PPARGC1A: variants seen among roughly 807,000 people sequenced by gnomAD.
PPARGC1A encodes the protein peroxisome proliferator-activated receptor gamma coactivator 1-alpha.
A neutral mutation model predicts 88.7 loss-of-function variants in PPARGC1A; 25 were observed. The observed-to-expected ratio is 0.28, with a 90% confidence interval of 0.21 to 0.39. PPARGC1A has a LOEUF of 0.39. Among genes scored for constraint, PPARGC1A ranks in the 10% least tolerant of loss-of-function variants. PPARGC1A has a pLI of 1.00. For missense variants in PPARGC1A, 880 were observed against 968.7 expected, an observed-to-expected ratio of 0.91 and a Z score of 1.22; for synonymous variants, 363 against 355.6, an observed-to-expected ratio of 1.02 and a Z score of -0.24.
the PPARGC1A span, among the ~76,000 whole-genome samples, chr4:24,275,362 A>C: frequency 6.6e-6 from 1 of 152,242 alleles, no homozygotes; most frequent in East Asian, 1.9e-4. Flanking sequence ...CTGAAAACCT[A>C]AATAACATTA....
the PPARGC1A span, among the ~76,000 whole-genome samples, chr4:24,050,727 CT>C: frequency 6.6e-6 from 1 of 152,156 alleles, no homozygotes. Flanking sequence ...TGTGGTTGTT[CT>C]TCAGTACTGT....
the PPARGC1A span, among the ~76,000 whole-genome samples, chr4:23,931,473 T>G: frequency 4.9e-4 from 75 of 152,212 alleles, 1 homozygote; most frequent in Admixed American, 2.4e-3. Context: ...ATTTTTAATT[T>G]AAAAAGTTAA....
the PPARGC1A span, among the ~76,000 whole-genome samples, chr4:24,243,537 C>G: frequency 1.3e-5 from 2 of 152,170 alleles, no homozygotes; most frequent in South Asian, 4.1e-4. Context: ...GAAAAGAGAC[C>G]TGCAGAAATG....
At chr4:24,154,326 G>A in the PPARGC1A span, among the ~76,000 whole-genome samples, 1 of 152,170 alleles carries the variant, frequency 6.6e-6, no homozygotes, top group Non-Finnish European at 1.5e-5. Flanking sequence ...ATTCCCCACA[G>A]GATCTGGACA....
At chr4:24,175,374 C>CT in the PPARGC1A span, among the ~76,000 whole-genome samples, 1 of 127,324 alleles carries the variant, frequency 7.9e-6, no homozygotes. Flanking sequence ...CTCTTTGTTT[C>CT]GTTTTTTTTT....
At chr4:24,139,114 T>C in the PPARGC1A span, among the ~76,000 whole-genome samples, 1 of 152,086 alleles carries the variant, frequency 6.6e-6, no homozygotes, top group Non-Finnish European at 1.5e-5. Flanking sequence ...AGTTACTAAG[T>C]TGCTTTTCTC....
At chr4:24,437,907 C>T in the PPARGC1A span, among the ~76,000 whole-genome samples, 1 of 152,046 alleles carries the variant, frequency 6.6e-6, no homozygotes, top group Non-Finnish European at 1.5e-5. Flanking sequence ...GAACTCCTGA[C>T]CACAGGTGAT....
chr4:24,142,628 C>G, the PPARGC1A span, among the ~76,000 whole-genome samples: 1 of 151,546 alleles, frequency 6.6e-6, no homozygotes, highest in African/African-American at 2.4e-5. Flanking sequence ...GAGCAGAGAT[C>G]ACACCACTGC....
chr4:24,140,259 T>G, the PPARGC1A span, among the ~76,000 whole-genome samples: 1 of 152,052 alleles, frequency 6.6e-6, no homozygotes, highest in Non-Finnish European at 1.5e-5. Flanking sequence ...CATCTTCGAA[T>G]GCAAAAAACA....
chr4:24,091,737 A>T, the PPARGC1A span: 1 of 693,080 alleles, frequency 1.4e-6, no homozygotes, highest in East Asian at 1.3e-4. Flanking sequence ...ACAGATGCCA[A>T]CTGGCCAAGC....
the PPARGC1A span, among the ~76,000 whole-genome samples, chr4:24,401,015 C>T: frequency 2.7e-3 from 268 of 99,664 alleles, no homozygotes; most frequent in East Asian, 3.6e-3. Flanking sequence ...CCTGAATTTT[C>T]TTTTTTTTTT....
At chr4:24,339,221 T>TACAC in the PPARGC1A span, among the ~76,000 whole-genome samples, 95 of 55,258 alleles carry the variant, frequency 1.7e-3, no homozygotes, top group Middle Eastern at 0.028. Flanking sequence ...TGTATATATA[T>TACAC]ATATATATAT....
chr4:23,962,977 G>C, the PPARGC1A span, among the ~76,000 whole-genome samples: 1 of 152,088 alleles, frequency 6.6e-6, no homozygotes, highest in Non-Finnish European at 1.5e-5. Flanking sequence ...CATGAGCGGG[G>C]GAAAGTGTTT....
At chr4:23,944,113 A>T in the PPARGC1A span, among the ~76,000 whole-genome samples, 1 of 152,234 alleles carries the variant, frequency 6.6e-6, no homozygotes, top group Admixed American at 6.5e-5. Context: ...TAATAGTCAT[A>T]TATCAATATT....
the PPARGC1A span, among the ~76,000 whole-genome samples, chr4:24,055,605 G>C: frequency 2.0e-5 from 3 of 152,344 alleles, no homozygotes; most frequent in Middle Eastern, 6.8e-3. Context: ...TTGGCAGAAA[G>C]ATTAAGAAAG....
chr4:23,890,136 C>T (rs1717605975), upstream of PPARGC1A: 2 of 1,289,090 alleles, frequency 1.6e-6, no homozygotes, highest in Admixed American at 3.3e-5. Context: ...ACTCACCCAG[C>T]CTCCCTTCCC....
chr4:24,054,127 G>A, the PPARGC1A span, among the ~76,000 whole-genome samples: 1 of 152,276 alleles, frequency 6.6e-6, no homozygotes, highest in African/African-American at 2.4e-5. Context: ...ATGGAAAAAG[G>A]ATTAGAGGAT....
At chr4:24,368,270 C>G in the PPARGC1A span, among the ~76,000 whole-genome samples, 2 of 152,160 alleles carry the variant, frequency 1.3e-5, no homozygotes, top group African/African-American at 2.4e-5. Context: ...ACTCAGCAAT[C>G]TGGTAAAGGA....
the PPARGC1A span, among the ~76,000 whole-genome samples, chr4:24,369,168 G>A: frequency 1.3e-5 from 2 of 152,250 alleles, no homozygotes; most frequent in South Asian, 2.1e-4. Context: ...GTGAGAACAT[G>A]GATAACGGTC....
Sources: allele counts gnomAD v4.1 joint callset (sites outside exome capture counted in the v4.1 genomes callset), GRCh38; gene constraint gnomAD v4.1.1; transcripts MANE v1.5; gene names NCBI Gene and HGNC (gene_info 2026-07-23, HGNC 2026-07-21).